ADAM17: variants seen among roughly 807,000 people sequenced by gnomAD.
ADAM17 encodes disintegrin and metalloproteinase domain-containing protein 17.
A neutral mutation model predicts 96.7 loss-of-function variants in ADAM17; 39 were observed. That is an observed-to-expected ratio of 0.40 (90% CI 0.31 to 0.53). The LOEUF is 0.53. ADAM17 is among the 20% of genes least tolerant of loss of function. ADAM17 has a pLI of 0.44. For synonymous variants in ADAM17, 344 were observed against 359.2 expected (o/e 0.96, Z 0.48); for missense variants, 777 against 1,013.2 (o/e 0.77, Z 3.17).
At chr2:9,551,000 G>A (rs1256856720) in intron 1 of ADAM17, among the ~76,000 whole-genome samples, 1 of 151,882 alleles carries the variant, frequency 6.6e-6, no homozygotes, top group African/African-American at 2.4e-5. Flanking sequence ...ACTTGAACCT[G>A]GGAAGTGGAG....
At position 9,544,556 on chromosome 2, in the gene ADAM17, G is replaced by A. The variant is rs530583736; in HGVS notation, c.98-1271C>T. 1.3e-3 allele frequency among the ~76,000 whole-genome samples: 190 copies of A among 151,136 alleles called. 1 individual carries two copies. Among genetic ancestry groups the A allele is most frequent in the South Asian group, 9.4e-3 (45 of 4,772 alleles). On this transcript the variant is annotated intron_variant, in intron 1 of 18. Coordinates refer to ENST00000310823, the MANE Select transcript of ADAM17 (RefSeq NM_003183.6). ...GGGGAAAAAAGGCCGGGCTGGGCACGGTGGCTCACGCCTGTAATCCCAGCA... is the reference window on the plus strand; with the variant it reads ...GGGGAAAAAAGGCCGGGCTGGGCACAGTGGCTCACGCCTGTAATCCCAGCA...
At chr2:9,500,438 C>T (rs975511714) in intron 13 of ADAM17, among the ~76,000 whole-genome samples, 8 of 152,152 alleles carry the variant, frequency 5.3e-5, no homozygotes, top group African/African-American at 1.4e-4. Context: ...CTAAAGGATA[C>T]AGGGTTTCTT....
chr2:9,496,860 C>G (rs917014644), intron 14 of ADAM17, among the ~76,000 whole-genome samples: 5 of 152,186 alleles, frequency 3.3e-5, no homozygotes, highest in Non-Finnish European at 5.9e-5. Context: ...TCCCTCCTCT[C>G]CCACCTCAAA....
chr2:9,536,616 C>T (rs1664970666), intron 3 of ADAM17, 82 bp downstream of exon 3: 3 of 1,572,736 alleles, frequency 1.9e-6, no homozygotes, highest in South Asian at 1.2e-5. Flanking sequence ...CTATCCTGCA[C>T]CAGAAAAGAA....
At chr2:9,493,908 A>T in intron 15 of ADAM17, 83 bp from the exon 16 acceptor site, 1 of 1,163,644 alleles carries the variant, frequency 8.6e-7, no homozygotes, top group South Asian at 1.4e-5. Flanking sequence ...AATAACTGAC[A>T]TGTAAAGGGC....
At chr2:9,501,560 A>G (rs1044784682) in intron 13 of ADAM17, among the ~76,000 whole-genome samples, 3 of 152,248 alleles carry the variant, frequency 2.0e-5, no homozygotes, top group African/African-American at 7.2e-5. Context: ...AACACAGCCA[A>G]TCATATAACT....
chr2:9,503,475 A>G (rs919525670), intron 12 of ADAM17, among the ~76,000 whole-genome samples: 1 of 152,204 alleles, frequency 6.6e-6, no homozygotes, highest in Non-Finnish European at 1.5e-5. Context: ...AAATTTTGCT[A>G]TTAGGATGTA....
At chr2:9,514,530 T>TAA (rs1222711533) in intron 10 of ADAM17, among the ~76,000 whole-genome samples, 2 of 8,582 alleles carry the variant, frequency 2.3e-4, no homozygotes, top group East Asian at 4.3e-3. Context: ...TATATATATA[T>TAA]ATATATATAT....
intron 1 of ADAM17, among the ~76,000 whole-genome samples, chr2:9,551,408 G>A (rs1665587177): frequency 1.3e-5 from 2 of 152,148 alleles, no homozygotes; most frequent in Admixed American, 1.3e-4. Context: ...TATACATAAT[G>A]AGGTATCTTG....
chr2:9,523,169 GT>G, intron 7 of ADAM17, 79 bp downstream of exon 7: 2 of 1,076,962 alleles, frequency 1.9e-6, no homozygotes, highest in East Asian at 2.5e-5. Context: ...TTAAGGACAA[GT>G]TTTTAGGTTT....
intron 1 of ADAM17, among the ~76,000 whole-genome samples, chr2:9,544,434 A>G (rs1454809968): frequency 3.3e-5 from 5 of 152,216 alleles, no homozygotes; most frequent in Non-Finnish European, 7.3e-5. Flanking sequence ...TTGAGGCAGG[A>G]GAATCGCTTG....
chr2:9,502,933 GT>G (rs1391076714), intron 12 of ADAM17, among the ~76,000 whole-genome samples: 1 of 149,882 alleles, frequency 6.7e-6, no homozygotes, highest in African/African-American at 2.5e-5. Context: ...GAGGTTAGGG[GT>G]TTGAGACCAG....
At chr2:9,531,159 T>C (rs953313252) in intron 4 of ADAM17, among the ~76,000 whole-genome samples, 1 of 151,966 alleles carries the variant, frequency 6.6e-6, no homozygotes, top group Non-Finnish European at 1.5e-5. Context: ...GGTTTCACCA[T>C]GTTGGCCAGG....
Position 9,533,892 on chromosome 2 carries a change from T to C in ADAM17, c.450+1942A>G, listed in dbSNP as rs138738351. On this transcript the variant is annotated intron_variant, in intron 4 of 18. Coordinates refer to ENST00000310823, the MANE Select transcript of ADAM17 (RefSeq NM_003183.6). The stretch of plus-strand genomic sequence containing the variant: ...GAGTAAGAAAAAACTTTGCTTGTGT[T>C]AAGCTACTCAGCTATGGGAGTTTAT... Among the ~76,000 whole-genome samples, 669 of 152,338 alleles carry C rather than the reference T, an allele frequency of 4.4e-3. 6 individuals are homozygous for C. The highest frequency in any genetic ancestry group is 0.017 in the Middle Eastern group (5 of 294).
chr2:9,531,775 G>A (rs925925645), intron 4 of ADAM17, among the ~76,000 whole-genome samples: 2 of 151,778 alleles, frequency 1.3e-5, no homozygotes, highest in Middle Eastern at 3.2e-3. Context: ...TATATAAATA[G>A]TAAGCTATGG....
rs375942302 is a variant in ADAM17 at position 9,492,902 on chromosome 2, C to T, written c.2078G>A (p.Cys693Tyr). The T allele has an allele frequency of 1.1e-4, 170 of 1,610,136 alleles. No individual in the cohort carries two copies. Among genetic ancestry groups the T allele is most frequent in the Non-Finnish European group, 1.4e-4 (165 of 1,177,786 alleles). The change falls in exon 17 of 19, where the codon TGT (cysteine) becomes TAT (tyrosine). Residue 693 changes from cysteine to tyrosine, a missense_variant. Physicochemically the swap from Cys to Tyr is radical, Grantham distance 194. This residue lies in a region of ADAM17 where 197 missense variants were observed against 219.4 expected (regional missense o/e 0.90). Coordinates refer to ENST00000310823, the MANE Select transcript of ADAM17 (RefSeq NM_003183.6). The stretch of plus-strand genomic sequence containing the variant: ...ACTTAAAAGTTGATGACTTACCACA[C>T]AATGGACAAGAATGCTGAAAGGAAT... ...FWIPFSILVH[C>Y]VDKKLDKQYE... is the part of the protein sequence containing the mutation.
intron 6 of ADAM17, among the ~76,000 whole-genome samples, chr2:9,524,507 C>T (rs1452708183): frequency 1.3e-5 from 2 of 152,002 alleles, no homozygotes; most frequent in Non-Finnish European, 1.5e-5. Context: ...TGAGGATTTT[C>T]GACTGCAGAG....
chr2:9,506,771 G>A (rs1228332921), intron 11 of ADAM17: 1 of 152,062 alleles, frequency 6.6e-6, no homozygotes, highest in Non-Finnish European at 1.5e-5. Context: ...TGTATCTCTG[G>A]GTTCCATTTT....
rs570320909 is a variant in ADAM17 at position 9,539,147 on chromosome 2, G to A, written c.231-2319C>T. On this transcript the variant is annotated intron_variant, in intron 2 of 18. Coordinates refer to ENST00000310823, the MANE Select transcript of ADAM17 (RefSeq NM_003183.6). ...TTTTGAGACGGAGTCTCACTCTGTC[G>A]CCCAGGCTGGAGTGCAGTGGCGCAA... 6.1e-5 allele frequency among the ~76,000 whole-genome samples: 9 copies of A among 147,864 alleles called. No homozygotes were observed. In the South Asian group the frequency reaches 1.5e-3, roughly 24 times the overall value.
Sources: allele counts gnomAD v4.1 joint callset (sites outside exome capture counted in the v4.1 genomes callset), GRCh38; gene constraint gnomAD v4.1.1; regional missense constraint gnomAD v4.1.1; transcripts MANE v1.5; gene names NCBI Gene and HGNC (gene_info 2026-07-23, HGNC 2026-07-21).